The following NRXN1 variants were observed in gnomAD, a reference collection of about 807,000 sequenced individuals.
The protein encoded by NRXN1 is neurexin-1.
Under a neutral mutation model 150.9 loss-of-function variants are expected in NRXN1, and 39 were observed. The ratio of observed to expected loss-of-function variants is 0.26; its 90% confidence interval spans 0.20 to 0.34. The LOEUF (loss-of-function observed/expected upper bound fraction) is 0.34, where lower values mean the gene tolerates loss of function less well. Ranked by LOEUF, NRXN1 falls within the 10% of genes least tolerant of loss-of-function variation. The probability of loss-of-function intolerance (pLI) is 1.00; values close to 1 mark genes in which losing one functional copy is unlikely to be tolerated. For missense variants in NRXN1, 1,815 were observed against 1,949.9 expected, an observed-to-expected ratio of 0.93 and a Z score of 1.30; for synonymous variants, 924 against 757.0, an observed-to-expected ratio of 1.22 and a Z score of -3.62.
At chr2:50,780,157 A>T (rs997019387) in intron 5 of NRXN1, among the ~76,000 whole-genome samples, 2 of 152,172 alleles carry the variant, frequency 1.3e-5, no homozygotes, top group Non-Finnish European at 2.9e-5. Flanking sequence ...TTGGCCATAT[A>T]AATGTCTTCT....
At chr2:50,984,192 C>T (rs1363717332) in intron 2 of NRXN1, among the ~76,000 whole-genome samples, 1 of 117,694 alleles carries the variant, frequency 8.5e-6, no homozygotes, top group Admixed American at 1.1e-4. Flanking sequence ...ACCATGTTGG[C>T]TAGGCTGGTC....
At chr2:50,480,542 A>G (rs991169154) in intron 15 of NRXN1, among the ~76,000 whole-genome samples, 1 of 152,198 alleles carries the variant, frequency 6.6e-6, no homozygotes. Flanking sequence ...TGTCTGTAGA[A>G]CACAGAGAAG....
chr2:50,006,937 G>C (rs1230245184), intron 21 of NRXN1, among the ~76,000 whole-genome samples: 4 of 152,142 alleles, frequency 2.6e-5, no homozygotes, highest in African/African-American at 9.7e-5. Context: ...AAAAATATTT[G>C]AAGAGAGGCT....
intron 21 of NRXN1, among the ~76,000 whole-genome samples, chr2:49,987,822 T>C (rs1681195520): frequency 6.6e-6 from 1 of 152,078 alleles, no homozygotes; most frequent in South Asian, 2.1e-4. Flanking sequence ...GAGAAGTTAT[T>C]ATTATACATT....
intron 21 of NRXN1, 40 bp from the exon 22 acceptor site, chr2:49,943,831 C>A: frequency 3.6e-6 from 5 of 1,394,400 alleles, no homozygotes; most frequent in Non-Finnish European, 5.1e-6. Context: ...TTTAAAGGGT[C>A]CTAACAGATT....
chr2:50,816,294 G>A (rs1367475876), intron 5 of NRXN1, among the ~76,000 whole-genome samples: 2 of 151,994 alleles, frequency 1.3e-5, no homozygotes, highest in Non-Finnish European at 1.5e-5. Context: ...AATCTCATTG[G>A]ATATCATAGC....
chr2:49,945,053 A>C (rs528402272), intron 21 of NRXN1: 1 of 152,348 alleles, frequency 6.6e-6, no homozygotes, highest in East Asian at 1.9e-4. Context: ...AGAGTCTTTA[A>C]GAACAAAGAA....
At chr2:50,531,513 CATTT>C (rs984956262) in intron 10 of NRXN1, 83 bp from the exon 11 acceptor site, 4 of 1,086,454 alleles carry the variant, frequency 3.7e-6, no homozygotes, top group African/African-American at 3.1e-5. Context: ...CATTTATTAT[CATTT>C]ATTTAAGACT....
intron 17 of NRXN1, among the ~76,000 whole-genome samples, chr2:50,382,321 A>T (rs952974717): frequency 5.9e-5 from 9 of 152,178 alleles, no homozygotes; most frequent in Admixed American, 5.9e-4. Context: ...TGGAAATAAG[A>T]ATAGTCTTCT....
intron 18 of NRXN1, among the ~76,000 whole-genome samples, chr2:50,211,396 C>T (rs1328609364): frequency 6.6e-6 from 1 of 151,472 alleles, no homozygotes; most frequent in Non-Finnish European, 1.5e-5. Flanking sequence ...TAATAATCAA[C>T]TATTTCTTCT....
chr2:50,885,515 T>C (rs1269254090), intron 5 of NRXN1, among the ~76,000 whole-genome samples: 3 of 151,348 alleles, frequency 2.0e-5, no homozygotes, highest in African/African-American at 4.8e-5. Flanking sequence ...CAAAGTGCTA[T>C]GATATCCCCA....
At chr2:50,352,046 C>T (rs1461637454) in intron 17 of NRXN1, among the ~76,000 whole-genome samples, 1 of 152,036 alleles carries the variant, frequency 6.6e-6, no homozygotes, top group Non-Finnish European at 1.5e-5. Flanking sequence ...TTGCCGCCAA[C>T]AACCATGGCT....
chr2:50,603,845 G>A (rs1020414482), intron 8 of NRXN1, among the ~76,000 whole-genome samples: 1 of 152,100 alleles, frequency 6.6e-6, no homozygotes, highest in African/African-American at 2.4e-5. Context: ...GGTCAACCTT[G>A]ATCACTGGGT....
intron 5 of NRXN1, among the ~76,000 whole-genome samples, chr2:50,661,216 C>G (rs1049018723): frequency 7.2e-5 from 11 of 152,160 alleles, no homozygotes; most frequent in East Asian, 1.9e-4. Context: ...GAAAGAATCT[C>G]TGGTCTCTTT....
At position 50,158,872 on chromosome 2, in the gene NRXN1, A is replaced by G. The variant is rs2059191021; in HGVS notation, c.3547-67378T>C. ...GGAAAGCAATAATTGATTCTACAATATTATTAGGAGTCCATATAGATAGTG... is the reference window on the plus strand; with the variant it reads ...GGAAAGCAATAATTGATTCTACAATGTTATTAGGAGTCCATATAGATAGTG... On this transcript the variant is annotated intron_variant, in intron 18 of 22. Coordinates refer to ENST00000401669, the MANE Select transcript of NRXN1 (RefSeq NM_001330078.2). Among the ~76,000 whole-genome samples, 4 of 152,138 alleles carry G rather than the reference A, an allele frequency of 2.6e-5. No homozygotes were observed. The South Asian group carries it at 8.3e-4, about 31-fold the overall frequency.
At chr2:50,903,733 T>C (rs1229073620) in intron 5 of NRXN1, among the ~76,000 whole-genome samples, 2 of 152,192 alleles carry the variant, frequency 1.3e-5, no homozygotes, top group African/African-American at 4.8e-5. Context: ...GGAGCTGTGT[T>C]GGCAAAAGCC....
intron 5 of NRXN1, among the ~76,000 whole-genome samples, chr2:50,840,588 G>C (rs1027631456): frequency 1.1e-4 from 17 of 152,070 alleles, no homozygotes; most frequent in African/African-American, 1.9e-4. Context: ...CCCCTCAACA[G>C]CTGAGGTGCT....
intron 17 of NRXN1, among the ~76,000 whole-genome samples, chr2:50,327,277 C>T (rs987425813): frequency 6.6e-6 from 1 of 152,002 alleles, no homozygotes; most frequent in Non-Finnish European, 1.5e-5. Flanking sequence ...CCAAAGAAAC[C>T]AGACACAAAA....
At chr2:50,262,671 C>A (rs2152913829) in intron 17 of NRXN1, among the ~76,000 whole-genome samples, 1 of 152,058 alleles carries the variant, frequency 6.6e-6, no homozygotes, top group East Asian at 1.9e-4. Flanking sequence ...ATTCATTACC[C>A]TATTCTAGCA....
Sources: allele counts gnomAD v4.1 joint callset (sites outside exome capture counted in the v4.1 genomes callset), GRCh38; gene constraint gnomAD v4.1.1; transcripts MANE v1.5; gene names NCBI Gene and HGNC (gene_info 2026-07-23, HGNC 2026-07-21).